The following PEMT variants were observed in gnomAD, a reference collection of about 807,000 sequenced individuals.
The protein encoded by PEMT is phospholipid methyltransferase.
In PEMT, 23 loss-of-function variants were observed where a neutral mutation model predicts 27.4. That is an observed-to-expected ratio of 0.84 (90% confidence interval 0.60 to 1.19). The LOEUF (loss-of-function observed/expected upper bound fraction) is 1.19, where lower values mean the gene tolerates loss of function less well. PEMT is among the 50% of genes most tolerant of loss of function. The pLI, the probability that PEMT is intolerant of heterozygous loss-of-function variation, is 0.00. For synonymous variants in PEMT, 137 were observed against 139.1 expected, an observed-to-expected ratio of 0.98 and a Z score of 0.11; for missense variants, 307 against 310.1, an observed-to-expected ratio of 0.99 and a Z score of 0.07.
At chr17:17,565,620 G>C (rs539247879) in intron 2 of PEMT, among the ~76,000 whole-genome samples, 1 of 152,264 alleles carries the variant, frequency 6.6e-6, no homozygotes, top group Non-Finnish European at 1.5e-5. Context: ...AGCAGCATCC[G>C]TGACACTGGA....
chr17:17,512,975 G>A lies in PEMT; in HGVS notation c.321-321C>T, dbSNP rs1396021419. On this transcript the variant is annotated intron_variant, in intron 3 of 6. Coordinates refer to ENST00000255389, the MANE Select transcript of PEMT (RefSeq NM_148172.3). The surrounding 1 kb of genome is among the most constrained non-coding windows in gnomAD (Gnocchi z 6.3). ...TTTAGACCCTGCATGTGAGCAGGCT[G>A]GATTCAGCCCGAAGGCCACCAGCTT... is the stretch of plus-strand genomic sequence containing the variant. Among the ~76,000 whole-genome samples the A allele has an allele frequency of 6.6e-6, 1 of 152,234 alleles. No individual in the cohort carries two copies. Among genetic ancestry groups the A allele is most frequent in the African/African-American group, 2.4e-5 (1 of 41,454 alleles).
intron 2 of PEMT, among the ~76,000 whole-genome samples, chr17:17,565,743 A>G (rs1910786746): frequency 6.6e-6 from 1 of 152,258 alleles, no homozygotes; most frequent in South Asian, 2.1e-4. Context: ...GCACTTCTGG[A>G]GAGAAAGGGG....
chr17:17,560,513 G>T (rs1038696279), intron 2 of PEMT, among the ~76,000 whole-genome samples: 1 of 152,222 alleles, frequency 6.6e-6, no homozygotes, highest in Non-Finnish European at 1.5e-5. Flanking sequence ...CATAGCTAAG[G>T]AGCAACAGGG....
At chr17:17,585,513 A>G (rs577380781) in intron 1 of PEMT, among the ~76,000 whole-genome samples, 153 of 152,314 alleles carry the variant, frequency 1.0e-3, no homozygotes, top group African/African-American at 3.6e-3. Flanking sequence ...CAAGGTCACC[A>G]AGTCTGCCCA....
intron 2 of PEMT, among the ~76,000 whole-genome samples, chr17:17,566,833 C>T (rs1321294391): frequency 3.3e-5 from 5 of 152,178 alleles, no homozygotes; most frequent in African/African-American, 9.6e-5. Flanking sequence ...GGCCACCAGC[C>T]GGGTCCACAG....
intron 1 of PEMT, among the ~76,000 whole-genome samples, chr17:17,577,669 A>G (rs62850061): frequency 1.5e-5 from 2 of 137,168 alleles, no homozygotes; most frequent in Admixed American, 7.1e-5. Context: ...AGAAATGAAG[A>G]AAAAAAAAAA....
intron 3 of PEMT, among the ~76,000 whole-genome samples, chr17:17,521,859 G>T (rs1907291944): frequency 6.6e-6 from 1 of 152,102 alleles, no homozygotes; most frequent in African/African-American, 2.4e-5. Flanking sequence ...GAGCCACCAC[G>T]CCCGGCCTCA....
chr17:17,552,750 G>A (rs1321953039), intron 2 of PEMT, among the ~76,000 whole-genome samples: 3 of 152,244 alleles, frequency 2.0e-5, no homozygotes, highest in Admixed American at 6.5e-5. Flanking sequence ...TCGACATGGA[G>A]ACCCAAGATC....
chr17:17,547,912 A>C (rs1425842413), intron 2 of PEMT, among the ~76,000 whole-genome samples: 1 of 152,236 alleles, frequency 6.6e-6, no homozygotes, highest in Non-Finnish European at 1.5e-5. Flanking sequence ...AAATGTGAAG[A>C]TGGAGAAGCC....
rs764843687 is a variant in PEMT, at chr17:17,576,936, G to A, written c.188C>T (p.Pro63Leu). The A allele has an allele frequency of 3.5e-5, 56 of 1,613,308 alleles. No homozygotes were observed. Among genetic ancestry groups the A allele is most frequent in the Non-Finnish European group, 4.5e-5 (53 of 1,179,422 alleles). The change falls in exon 2 of 7, where the codon CCG (proline) becomes CTG (leucine). Residue 63 changes from proline (P) to leucine (L), a missense_variant. Transcript: ENST00000255389. ...ATCACTTACCACATTCCAGTAGAGC[G>A]GATTGAAGGTGATGGTGATGACGGC... ...VAAVITITFNPLYWNVVARWE... is the reference protein window; with the variant it reads ...VAAVITITFNLLYWNVVARWE...
In PEMT at chr17:17,552,169, G is replaced by A. The variant is rs540567940; in HGVS notation, c.204+24751C>T. Among the ~76,000 whole-genome samples the A allele has an allele frequency of 2.6e-5, 4 of 152,064 alleles. No individual in the cohort carries two copies. In the South Asian group the frequency reaches 6.2e-4, roughly 24 times the overall value. ...TCTACAAAAAATACAAAAATTAGCC[G>A]GGCATGGTAGCGCATACCTGTAATC... On this transcript the variant is annotated intron_variant, in intron 2 of 6. Transcript: ENST00000255389.
At chr17:17,555,916 C>G (rs1038530572) in intron 2 of PEMT, among the ~76,000 whole-genome samples, 1 of 152,210 alleles carries the variant, frequency 6.6e-6, no homozygotes, top group Admixed American at 6.5e-5. Context: ...TCTCCCTCTG[C>G]CTGGGAAGAG....
chr17:17,521,261 C>T lies in PEMT; in HGVS notation c.320+1019G>A, dbSNP rs70963005. ...TAGTTTCTCATTTTTTGGAGAACCACGTGGTCCATGTTTAGTCCATGAGCT... is the reference window on the plus strand; with the variant it reads ...TAGTTTCTCATTTTTTGGAGAACCATGTGGTCCATGTTTAGTCCATGAGCT... On this transcript the variant is annotated intron_variant, in intron 3 of 6. Coordinates refer to ENST00000255389, the MANE Select transcript of PEMT (RefSeq NM_148172.3). Among the ~76,000 whole-genome samples the T allele has an allele frequency of 1.2e-4, 19 of 152,318 alleles. No homozygotes were observed. In the East Asian group the frequency reaches 3.7e-3, roughly 29 times the overall value.
intron 4 of PEMT, among the ~76,000 whole-genome samples, chr17:17,510,734 C>T (rs1906312140): frequency 6.6e-6 from 1 of 152,222 alleles, no homozygotes; most frequent in South Asian, 2.1e-4. Flanking sequence ...TGTTTGCAGG[C>T]TCCTTCCCTC....
chr17:17,540,117 C>T (rs1234552732), intron 2 of PEMT, among the ~76,000 whole-genome samples: 1 of 152,204 alleles, frequency 6.6e-6, no homozygotes, highest in Non-Finnish European at 1.5e-5. Flanking sequence ...CCAAAATGGG[C>T]AGCAGCCAGC....
intron 2 of PEMT, among the ~76,000 whole-genome samples, chr17:17,540,032 A>G (rs1411914449): frequency 6.6e-6 from 1 of 152,242 alleles, no homozygotes; most frequent in East Asian, 1.9e-4. Flanking sequence ...GGCTGGGGGC[A>G]TGGAAGGACA....
At chr17:17,588,238 C>G (rs955156284) in intron 1 of PEMT, among the ~76,000 whole-genome samples, 6 of 152,206 alleles carry the variant, frequency 3.9e-5, no homozygotes, top group African/African-American at 1.2e-4. Flanking sequence ...CAGAGTAACT[C>G]ATCTAATATA....
intron 1 of PEMT, chr17:17,578,683 A>C (rs1180931184): frequency 6.6e-6 from 1 of 152,158 alleles, no homozygotes; most frequent in African/African-American, 2.4e-5. Context: ...AGAGAAGATT[A>C]GTATGGCCCC....
chr17:17,570,846 C>T (rs1251570206), intron 2 of PEMT: 6 of 985,222 alleles, frequency 6.1e-6, no homozygotes, highest in Non-Finnish European at 6.0e-6. Context: ...AGGTAGAGTC[C>T]GCGAGGGTAC....
Sources: gnomAD v4.1 joint callset for allele counts (sites outside exome capture counted in the v4.1 genomes callset) on GRCh38, gnomAD v4.1.1 for gene constraint, Gnocchi (gnomAD v3.1) non-coding constraint, MANE v1.5 for transcripts, NCBI Gene and HGNC (gene_info 2026-07-23, HGNC 2026-07-21) for gene names.